ZDHHC21: variants seen among roughly 807,000 people sequenced by gnomAD.
The protein encoded by ZDHHC21 is zDHHC palmitoyltransferase 21.
ZDHHC21 carries 15 observed loss-of-function variants against 34.6 expected under a neutral mutation model. The ratio of observed to expected loss-of-function variants is 0.43; its 90% CI spans 0.29 to 0.67. The LOEUF is 0.67. Among genes scored for constraint, ZDHHC21 ranks in the 30% least tolerant of loss-of-function variants. ZDHHC21 has a pLI of 0.14. For missense variants in ZDHHC21, 344 were observed against 327.7 expected (o/e 1.05, Z -0.38); for synonymous variants, 142 against 101.8 (o/e 1.40, Z -2.38).
intron 7 of ZDHHC21, among the ~76,000 whole-genome samples, chr9:14,644,548 AT>A (rs1290097579): frequency 6.6e-6 from 1 of 151,880 alleles, no homozygotes; most frequent in Non-Finnish European, 1.5e-5. Context: ...CATTTATCTG[AT>A]TATGAAAGTT....
chr9:14,670,986 C>T (rs905696394), intron 5 of ZDHHC21, among the ~76,000 whole-genome samples: 6 of 151,892 alleles, frequency 4.0e-5, no homozygotes, highest in Admixed American at 6.6e-5. Context: ...GATTTTTGTA[C>T]TAGCCAAGTA....
intron 6 of ZDHHC21, among the ~76,000 whole-genome samples, 197 bp downstream of exon 6, chr9:14,662,018 G>A (rs10119831): frequency 0.23 from 35,161 of 151,984 alleles, 4,699 homozygotes; most frequent in Non-Finnish European, 0.31. Context: ...ATCTCTCCCT[G>A]TTAGAAAAGA....
chr9:14,644,281 TAA>T (rs985755851), intron 7 of ZDHHC21, among the ~76,000 whole-genome samples: 3 of 152,188 alleles, frequency 2.0e-5, no homozygotes, highest in Non-Finnish European at 4.4e-5. Context: ...AATCTATAGA[TAA>T]ATCATTTATA....
chr9:14,619,717 A>C (rs1311871593), intron 8 of ZDHHC21, 35 bp from the exon 9 acceptor site: 1 of 1,182,804 alleles, frequency 8.5e-7, no homozygotes, highest in Non-Finnish European at 1.2e-6. Context: ...CAGATGTAAG[A>C]AAGTTATTAA....
chr9:14,683,062 A>G (rs1189266803), intron 2 of ZDHHC21, among the ~76,000 whole-genome samples: 1 of 152,036 alleles, frequency 6.6e-6, no homozygotes, highest in Non-Finnish European at 1.5e-5. Context: ...TTATAGCACT[A>G]AATGCCCACA....
chr9:14,642,026 C>A (rs747409393), intron 7 of ZDHHC21, among the ~76,000 whole-genome samples: 39 of 152,042 alleles, frequency 2.6e-4, no homozygotes, highest in Non-Finnish European at 5.1e-4. Context: ...CCACTCTACT[C>A]CCAGTGAAAA....
chr9:14,641,575 A>G (rs1829388389), intron 7 of ZDHHC21, among the ~76,000 whole-genome samples: 1 of 152,166 alleles, frequency 6.6e-6, no homozygotes, highest in Non-Finnish European at 1.5e-5. Context: ...AGGAATACAC[A>G]AAACACACTC....
intron 5 of ZDHHC21, among the ~76,000 whole-genome samples, 167 bp from the exon 6 acceptor site, chr9:14,662,493 A>T (rs1242794830): frequency 2.0e-5 from 3 of 152,176 alleles, no homozygotes; most frequent in Admixed American, 6.5e-5. Flanking sequence ...CTGCTGTTCT[A>T]TTCTACATAT....
the ZDHHC21 span, among the ~76,000 whole-genome samples, chr9:14,601,746 C>A: frequency 1.4e-4 from 22 of 152,244 alleles, no homozygotes; most frequent in African/African-American, 5.3e-4. Flanking sequence ...TGAACCAACC[C>A]AGTTGTGCAT....
At chr9:14,685,396 T>C (rs13294063) in intron 2 of ZDHHC21, among the ~76,000 whole-genome samples, 62,106 of 146,046 alleles carry the variant, frequency 0.43, 12,669 homozygotes, top group African/African-American at 0.54. Flanking sequence ...GGGCAAAGGA[T>C]ATGAACAGAC....
chr9:14,593,963 G>C, the ZDHHC21 span: 1 of 152,242 alleles, frequency 6.6e-6, no homozygotes, highest in Non-Finnish European at 1.5e-5. Flanking sequence ...GAGACAGCTT[G>C]GGGAAACAGG....
the ZDHHC21 span, among the ~76,000 whole-genome samples, chr9:14,599,052 C>T: frequency 6.6e-6 from 1 of 152,150 alleles, no homozygotes; most frequent in Non-Finnish European, 1.5e-5. Flanking sequence ...TGTGAGCCAC[C>T]TCACCCATCC....
chr9:14,591,844 C>A, the ZDHHC21 span, among the ~76,000 whole-genome samples: 1 of 152,082 alleles, frequency 6.6e-6, no homozygotes, highest in African/African-American at 2.4e-5. Flanking sequence ...AGCTTAAAAT[C>A]TATTTTGCCT....
At chr9:14,657,231 AAATT>A (rs1832408911) in intron 7 of ZDHHC21, among the ~76,000 whole-genome samples, 1 of 152,108 alleles carries the variant, frequency 6.6e-6, no homozygotes, top group Non-Finnish European at 1.5e-5. Context: ...ATTTTCATGA[AAATT>A]AATAGGCCAA....
chr9:14,635,901 G>C, intron 8 of ZDHHC21, among the ~76,000 whole-genome samples: 1 of 151,882 alleles, frequency 6.6e-6, no homozygotes, highest in East Asian at 1.9e-4. Flanking sequence ...CACTGGCAGA[G>C]CAAACACACA....
chr9:14,608,422 G>A (rs991605908), downstream of ZDHHC21, among the ~76,000 whole-genome samples: 14 of 152,162 alleles, frequency 9.2e-5, no homozygotes, highest in Admixed American at 2.6e-4. Flanking sequence ...ACTCAAATAC[G>A]TGTCTACAGT....
At position 14,687,594 on chromosome 9, in the gene ZDHHC21, C is replaced by T. The variant is rs115891803; in HGVS notation, c.-176+2743G>A. Among the ~76,000 whole-genome samples, 813 of 150,888 alleles carry T rather than the reference C, an allele frequency of 5.4e-3. 70 individuals are homozygous for T. Among genetic ancestry groups the T allele is most frequent in the African/African-American group, 0.019 (766 of 40,192 alleles). Reference sequence around the variant, plus strand: ...GCTGAGGCACGAGAATCGCTTGAAGCTTGAACCCAGGAGGCAGAAGCCGCA... The same window carrying T: ...GCTGAGGCACGAGAATCGCTTGAAGTTTGAACCCAGGAGGCAGAAGCCGCA... On this transcript the variant is annotated intron_variant, in intron 2 of 9. Coordinates refer to ENST00000380916, the MANE Select transcript of ZDHHC21 (RefSeq NM_178566.6).
At chr9:14,678,837 G>A (rs1187078955) in intron 3 of ZDHHC21, among the ~76,000 whole-genome samples, 2 of 151,880 alleles carry the variant, frequency 1.3e-5, no homozygotes, top group Non-Finnish European at 1.5e-5. Flanking sequence ...CCAAGCTATT[G>A]CAATTTTTTT....
At chr9:14,641,529 A>C (rs1017093971) in intron 7 of ZDHHC21, among the ~76,000 whole-genome samples, 4 of 152,196 alleles carry the variant, frequency 2.6e-5, no homozygotes, top group Non-Finnish European at 4.4e-5. Flanking sequence ...TCCTAGATGA[A>C]CACAAAAAAT....
Sources: gnomAD v4.1 joint callset for allele counts (sites outside exome capture counted in the v4.1 genomes callset) on GRCh38, gnomAD v4.1.1 for gene constraint, MANE v1.5 for transcripts, NCBI Gene and HGNC (gene_info 2026-07-23, HGNC 2026-07-21) for gene names.